ABI2: variants seen among roughly 807,000 people sequenced by gnomAD.
The protein encoded by ABI2 is abelson interactor 2.
A neutral mutation model predicts 59.2 loss-of-function variants in ABI2; 25 were observed. That is an observed-to-expected ratio of 0.42 (90% CI 0.31 to 0.59). The LOEUF is 0.59. Among genes scored for constraint, ABI2 ranks in the 20% least tolerant of loss-of-function variants. The probability of loss-of-function intolerance (pLI) is 0.14; values close to 1 mark genes in which losing one functional copy is unlikely to be tolerated. For missense variants in ABI2, 545 were observed against 681.8 expected (o/e 0.80, Z 2.23); for synonymous variants, 213 against 235.5 (o/e 0.90, Z 0.87).
intron 1 of ABI2, among the ~76,000 whole-genome samples, chr2:203,348,646 T>C (rs1576323611): frequency 1.3e-5 from 2 of 152,190 alleles, no homozygotes; most frequent in East Asian, 1.9e-4. Flanking sequence ...TTTTATCTTA[T>C]TATTTTTTTA....
chr2:203,350,965 T>A (rs1475991037), intron 1 of ABI2, among the ~76,000 whole-genome samples: 1 of 152,074 alleles, frequency 6.6e-6, no homozygotes, highest in Non-Finnish European at 1.5e-5. Flanking sequence ...GATTTTCTCC[T>A]AGGAGTTTTA....
chr2:203,359,738 T>C (rs1307020482), intron 1 of ABI2, among the ~76,000 whole-genome samples: 3 of 152,088 alleles, frequency 2.0e-5, no homozygotes, highest in Non-Finnish European at 4.4e-5. Flanking sequence ...TGGACCTCTT[T>C]TATAAGGGCA....
intron 2 of ABI2, among the ~76,000 whole-genome samples, chr2:203,376,605 G>A (rs1413616348): frequency 4.6e-5 from 7 of 151,902 alleles, no homozygotes; most frequent in East Asian, 1.9e-4. Flanking sequence ...ATATTTCCTC[G>A]TAACTCATTA....
chr2:203,405,917 A>G (rs1034114910), intron 9 of ABI2, among the ~76,000 whole-genome samples: 4 of 152,232 alleles, frequency 2.6e-5, no homozygotes, highest in African/African-American at 9.6e-5. Flanking sequence ...AATATGGAAC[A>G]CCCAGTGTCT....
chr2:203,427,313 T>G lies in ABI2; in HGVS notation c.1590T>G (p.Pro530=). 1.2e-6 allele frequency: 2 copies of G among 1,614,074 alleles called. No homozygotes were observed. The highest frequency in any genetic ancestry group is 1.7e-6 in the Non-Finnish European group (2 of 1,179,998). The change falls in exon 12 of 12, where the codon CCT becomes CCG. Residue 530 remains proline, a synonymous_variant. Coordinates refer to ENST00000261018, the MANE Select transcript of ABI2 (RefSeq NM_001375670.1). ...GVMNGVTGLF[P]GNYVESIMHY... ...TGAATGGAGTGACTGGGCTTTTTCC[T>G]GGGAATTACGTTGAGTCTATCATGC...
In ABI2 at chr2:203,406,504, A is replaced by T. The variant is rs534175968; in HGVS notation, c.1192+3770A>T. On this transcript the variant is annotated intron_variant, in intron 9 of 11. Coordinates refer to ENST00000261018, the MANE Select transcript of ABI2 (RefSeq NM_001375670.1). ...AATGGTTTTAAAAGCGACTAAAAAA[A>T]TAGGAAACAATGTTGGGATGGTGCT... Among the ~76,000 whole-genome samples, 5 of 152,370 alleles carry T rather than the reference A, an allele frequency of 3.3e-5. No individual in the cohort carries two copies. The East Asian group carries it at 9.6e-4, about 29-fold the overall frequency.
At chr2:203,426,963 A>G (rs150942495) in intron 11 of ABI2, among the ~76,000 whole-genome samples, 112 of 152,014 alleles carry the variant, frequency 7.4e-4, no homozygotes, top group African/African-American at 2.6e-3. Context: ...TTTGTACTCA[A>G]TTTAGAGCCT....
At chr2:203,341,849 C>G (rs1181897619) in intron 1 of ABI2, among the ~76,000 whole-genome samples, 1 of 152,164 alleles carries the variant, frequency 6.6e-6, no homozygotes, top group Admixed American at 6.5e-5. Context: ...CACTAATATT[C>G]CACATGTGGT....
At chr2:203,383,769 A>G (rs2096281483) in intron 4 of ABI2, among the ~76,000 whole-genome samples, 1 of 152,224 alleles carries the variant, frequency 6.6e-6, no homozygotes, top group African/African-American at 2.4e-5. Flanking sequence ...GAGCAATAGC[A>G]TTATGGATTC....
At chr2:203,338,031 A>G (rs2077250442) in intron 1 of ABI2, among the ~76,000 whole-genome samples, 1 of 152,234 alleles carries the variant, frequency 6.6e-6, no homozygotes, top group African/African-American at 2.4e-5. Context: ...CTCTGTCTCA[A>G]AAAAAGCTAT....
At chr2:203,411,259 C>T (rs777065760) in intron 9 of ABI2, 26 bp from the exon 10 acceptor site, 3 of 1,571,388 alleles carry the variant, frequency 1.9e-6, no homozygotes, top group Non-Finnish European at 2.6e-6. Flanking sequence ...TATCCCTTAT[C>T]CTCCACACCT....
rs1258402536 is a variant in ABI2 at position 203,430,212 on chromosome 2, A to G, written c.*2860A>G. The G allele has an allele frequency of 6.6e-6, 1 of 152,040 alleles. No individual in the cohort carries two copies. Among genetic ancestry groups the G allele is most frequent in the Non-Finnish European group, 1.5e-5 (1 of 67,984 alleles). 9.4% of individuals were successfully genotyped at this position (152,040 alleles called of 1,614,324 possible). A position where few individuals can be genotyped will look rare whatever the true frequency, so the allele number is the denominator to read the frequency against. On this transcript the variant is annotated 3_prime_UTR_variant, in exon 12 of 12. Coordinates refer to ENST00000261018, the MANE Select transcript of ABI2 (RefSeq NM_001375670.1). Reference sequence around the variant, plus strand: ...TTATTGTAAGTTTCCCTCTTTTTTTATAAATTAAAAGATGGTTGGTATTAG... The same window carrying G: ...TTATTGTAAGTTTCCCTCTTTTTTTGTAAATTAAAAGATGGTTGGTATTAG...
At chr2:203,403,995 C>T (rs1217878589) in intron 9 of ABI2, among the ~76,000 whole-genome samples, 1 of 151,990 alleles carries the variant, frequency 6.6e-6, no homozygotes, top group Admixed American at 6.6e-5. Context: ...TTAAGTGATT[C>T]ACCCACCTCA....
intron 8 of ABI2, among the ~76,000 whole-genome samples, chr2:203,401,096 C>T (rs1266129797): frequency 1.3e-5 from 2 of 152,128 alleles, no homozygotes; most frequent in Non-Finnish European, 2.9e-5. Context: ...CTCCAGTCCC[C>T]CCTCCTCTAC....
intron 10 of ABI2, among the ~76,000 whole-genome samples, chr2:203,414,789 T>TA (rs1481346478): frequency 3.9e-5 from 6 of 152,238 alleles, no homozygotes; most frequent in African/African-American, 1.4e-4. Flanking sequence ...CTTTTCCACT[T>TA]ACTTGCTGTC....
chr2:203,340,189 C>G lies in ABI2; in HGVS notation c.117+11558C>G, dbSNP rs149722115. On this transcript the variant is annotated intron_variant, in intron 1 of 11. Transcript: ENST00000261018. ...AAAAAGATGAACCCATAGAATGAAG[C>G]AGATAATAGAATCTGCTTCTATTAT... 8.0e-4 allele frequency among the ~76,000 whole-genome samples: 122 copies of G among 152,276 alleles called. 1 individual carries two copies. In the South Asian group the frequency reaches 0.01, roughly 13 times the overall value.
chr2:203,388,395 A>T (rs990166280), intron 4 of ABI2, among the ~76,000 whole-genome samples: 4 of 152,150 alleles, frequency 2.6e-5, no homozygotes, highest in African/African-American at 7.2e-5. Context: ...TATTCATAGA[A>T]ATGTTGGCCA....
intron 8 of ABI2, among the ~76,000 whole-genome samples, 162 bp from the exon 9 acceptor site, chr2:203,402,414 T>C (rs945300732): frequency 6.6e-6 from 1 of 152,242 alleles, no homozygotes; most frequent in South Asian, 2.1e-4. Flanking sequence ...TACTCTGATA[T>C]AATATCAGCG....
At chr2:203,357,779 G>A (rs1413745522) in intron 1 of ABI2, among the ~76,000 whole-genome samples, 1 of 151,900 alleles carries the variant, frequency 6.6e-6, no homozygotes, top group African/African-American at 2.4e-5. Flanking sequence ...TTGTTTGTTT[G>A]TTTGTTTGAG....
Sources: allele counts gnomAD v4.1 joint callset (sites outside exome capture counted in the v4.1 genomes callset), GRCh38; gene constraint gnomAD v4.1.1; transcripts MANE v1.5; gene names NCBI Gene and HGNC (gene_info 2026-07-23, HGNC 2026-07-21).